ARHGEF10: variants seen among roughly 807,000 people sequenced by gnomAD.
The protein encoded by ARHGEF10 is Rho guanine nucleotide exchange factor 10.
A neutral mutation model predicts 147.4 loss-of-function variants in ARHGEF10; 140 were observed. That is an observed-to-expected ratio of 0.95 (90% confidence interval 0.83 to 1.09). The LOEUF is 1.09. Ranked by LOEUF, ARHGEF10 falls within the 50% of genes least tolerant of loss-of-function variation. The pLI, the probability that ARHGEF10 is intolerant of heterozygous loss-of-function variation, is 0.00. For synonymous variants in ARHGEF10, 902 were observed against 695.8 expected (o/e 1.30, Z -4.67); for missense variants, 2,222 against 1,752.7 (o/e 1.27, Z -4.78).
intron 11 of ARHGEF10, among the ~76,000 whole-genome samples, chr8:1,888,568 C>T (rs1237434288): frequency 8.1e-6 from 1 of 122,818 alleles, no homozygotes; most frequent in Non-Finnish European, 1.6e-5. Flanking sequence ...TGGGGAGACA[C>T]TGAGTGGGGT....
intron 27 of ARHGEF10, 68 bp from the exon 28 acceptor site, chr8:1,952,636 AC>A: frequency 6.3e-7 from 1 of 1,598,380 alleles, no homozygotes; most frequent in African/African-American, 1.3e-5. Context: ...GGTTTCCAGC[AC>A]CCCGTCACCG....
chr8:1,897,017 G>A (rs548204247), intron 14 of ARHGEF10, among the ~76,000 whole-genome samples: 18 of 152,300 alleles, frequency 1.2e-4, no homozygotes, highest in South Asian at 4.1e-4. Flanking sequence ...CGTGGGATGC[G>A]TGTCCGAGGC....
intron 2 of ARHGEF10, among the ~76,000 whole-genome samples, chr8:1,857,554 G>A (rs991793231): frequency 3.3e-5 from 5 of 151,738 alleles, no homozygotes; most frequent in African/African-American, 9.7e-5. Context: ...TGAGAAGCTG[G>A]GATTACAGGT....
chr8:1,930,165 A>T (rs1270227647), intron 25 of ARHGEF10, among the ~76,000 whole-genome samples: 2 of 150,330 alleles, frequency 1.3e-5, no homozygotes, highest in South Asian at 4.2e-4. Context: ...GCCGAGCCCC[A>T]GCTGGATCCC....
At chr8:1,850,985 C>G (rs1360073114) in intron 2 of ARHGEF10, among the ~76,000 whole-genome samples, 1 of 151,246 alleles carries the variant, frequency 6.6e-6, no homozygotes, top group African/African-American at 2.4e-5. Context: ...ACGTGACATT[C>G]TAGAAAACAA....
chr8:1,875,718 G>T (rs1807640863), intron 7 of ARHGEF10, among the ~76,000 whole-genome samples: 1 of 152,220 alleles, frequency 6.6e-6, no homozygotes, highest in Non-Finnish European at 1.5e-5. Context: ...TCTAAGGATT[G>T]TAAGTGACAA....
rs560453355 is a variant in ARHGEF10 at position 1,906,301 on chromosome 8, C to T, written c.1967+585C>T. Among the ~76,000 whole-genome samples the T allele has an allele frequency of 7.7e-4, 118 of 152,274 alleles. 1 individual carries two copies. Among genetic ancestry groups the T allele is most frequent in the African/African-American group, 2.8e-3 (116 of 41,564 alleles). Reference sequence around the variant, plus strand: ...ACTCCTGGTGCTGTAGAAAATAATGCAAGCGAACGTGGTGCCAATTCGTCA... The same window carrying T: ...ACTCCTGGTGCTGTAGAAAATAATGTAAGCGAACGTGGTGCCAATTCGTCA... On this transcript the variant is annotated intron_variant, in intron 17 of 28. Transcript: ENST00000349830.
At chr8:1,914,184 C>T (rs1185012306) in intron 18 of ARHGEF10, among the ~76,000 whole-genome samples, 1 of 152,256 alleles carries the variant, frequency 6.6e-6, no homozygotes, top group African/African-American at 2.4e-5. Flanking sequence ...ATACACCTGA[C>T]TGATCCTCCT....
intron 7 of ARHGEF10, 173 bp downstream of exon 7, chr8:1,869,423 T>C (rs1585327707): frequency 8.4e-6 from 6 of 714,138 alleles, no homozygotes; most frequent in Non-Finnish European, 1.3e-5. Context: ...TGTGCACATA[T>C]GTGTGTGTGC....
intron 25 of ARHGEF10, among the ~76,000 whole-genome samples, chr8:1,930,833 A>G (rs1237925560): frequency 6.7e-6 from 1 of 150,214 alleles, no homozygotes; most frequent in Non-Finnish European, 1.5e-5. Flanking sequence ...TCACTCCGGT[A>G]GGTGGAGTAA....
intron 2 of ARHGEF10, among the ~76,000 whole-genome samples, chr8:1,857,143 G>A (rs1234974443): frequency 6.6e-6 from 1 of 152,178 alleles, no homozygotes; most frequent in East Asian, 1.9e-4. Flanking sequence ...ATGGAGGTTT[G>A]TATTTTAAGC....
chr8:1,876,461 A>G, intron 7 of ARHGEF10, 110 bp from the exon 8 acceptor site: 1 of 1,183,080 alleles, frequency 8.5e-7, no homozygotes, highest in South Asian at 1.2e-5. Flanking sequence ...CATGATTCAG[A>G]TTTCCTTCCA....
intron 18 of ARHGEF10, among the ~76,000 whole-genome samples, chr8:1,910,865 AG>A (rs1811304498): frequency 6.6e-6 from 1 of 152,236 alleles, no homozygotes; most frequent in African/African-American, 2.4e-5. Context: ...AAATAGCTAA[AG>A]GTGACTTTGA....
chr8:1,889,246 TGG>T (rs1272975394), intron 11 of ARHGEF10, among the ~76,000 whole-genome samples: 1 of 41,650 alleles, frequency 2.4e-5, no homozygotes, highest in Non-Finnish European at 3.8e-5. Context: ...AGACATTGAG[TGG>T]GATGAGAGGT....
intron 26 of ARHGEF10, among the ~76,000 whole-genome samples, chr8:1,936,312 C>T (rs889724959): frequency 6.6e-6 from 1 of 152,118 alleles, no homozygotes; most frequent in African/African-American, 2.4e-5. Context: ...CTCAAGAGTT[C>T]AAGACCAGGC....
intron 7 of ARHGEF10, among the ~76,000 whole-genome samples, chr8:1,873,658 CGGGG>C (rs1807368612): frequency 7.1e-6 from 1 of 141,538 alleles, no homozygotes; most frequent in Non-Finnish European, 1.5e-5. Flanking sequence ...AGAGGTGCCG[CGGGG>C]TAGTGCACCC....
chr8:1,863,570 G>A (rs560143217), intron 4 of ARHGEF10, among the ~76,000 whole-genome samples: 6 of 152,308 alleles, frequency 3.9e-5, no homozygotes, highest in African/African-American at 7.2e-5. Flanking sequence ...GCGGCTGGGC[G>A]GTGGCAGATT....
chr8:1,860,252 T>C, intron 4 of ARHGEF10, 68 bp downstream of exon 4: 4 of 1,512,098 alleles, frequency 2.6e-6, no homozygotes, highest in Non-Finnish European at 2.7e-6. Flanking sequence ...GCCCCCGAAG[T>C]GGCCTGTGGT....
At chr8:1,908,226 G>GTTTTTTTTT (rs1811057286) in intron 17 of ARHGEF10, among the ~76,000 whole-genome samples, 12 of 101,784 alleles carry the variant, frequency 1.2e-4, no homozygotes, top group African/African-American at 2.4e-4. Context: ...CCCACACTTT[G>GTTTTTTTTT]ATTTTTTTTT....
Sources: gnomAD v4.1 joint callset for allele counts (sites outside exome capture counted in the v4.1 genomes callset) on GRCh38, gnomAD v4.1.1 for gene constraint, MANE v1.5 for transcripts, NCBI Gene and HGNC (gene_info 2026-07-23, HGNC 2026-07-21) for gene names.